FGF1: variants seen among roughly 807,000 people sequenced by gnomAD.
FGF1 encodes the protein fibroblast growth factor 1.
FGF1 carries 9 observed loss-of-function variants against 13.4 expected under a neutral mutation model. The observed-to-expected ratio is 0.67, with a 90% CI of 0.40 to 1.17. The LOEUF is 1.17. FGF1 is among the 50% of genes most tolerant of loss of function. The pLI, the probability that FGF1 is intolerant of heterozygous loss-of-function variation, is 0.01. For synonymous variants in FGF1, 93 were observed against 79.0 expected (o/e 1.18, Z -0.94); for missense variants, 156 against 192.7 (o/e 0.81, Z 1.13).
Position 142,599,323 on chromosome 5 carries a change from C to T in FGF1, c.273+1379G>A, listed in dbSNP as rs181737007. 1.4e-3 allele frequency among the ~76,000 whole-genome samples: 213 copies of T among 152,288 alleles called. 1 individual carries two copies. The highest frequency in any genetic ancestry group is 4.8e-3 in the African/African-American group (200 of 41,562). On this transcript the variant is annotated intron_variant, in intron 3 of 3. Coordinates refer to ENST00000337706, the MANE Select transcript of FGF1 (RefSeq NM_000800.5). Reference sequence around the variant, plus strand: ...ATAGCATTTTAGAGGTTACCTATTACGCTGATGATTTAATCTCCTGATCCC... The same window carrying T: ...ATAGCATTTTAGAGGTTACCTATTATGCTGATGATTTAATCTCCTGATCCC...
intron 1 of FGF1, among the ~76,000 whole-genome samples, chr5:142,632,740 T>A (rs1763558299): frequency 1.3e-5 from 2 of 152,146 alleles, no homozygotes; most frequent in African/African-American, 4.8e-5. Context: ...AATTTCCCCC[T>A]CATTAATAAA....
At position 142,595,107 on chromosome 5, in the gene FGF1, C is replaced by T; in HGVS notation, c.*183G>A. On this transcript the variant is annotated 3_prime_UTR_variant, in exon 4 of 4. Transcript: ENST00000337706. The stretch of plus-strand genomic sequence containing the variant: ...AGCAATTTGGTCCCTCTGTTCTAAA[C>T]TGTGCAGGGGTAAAAGGCTCTGCAA... 1.8e-6 allele frequency: 1 copy of T among 559,772 alleles called. No individual in the cohort carries two copies. The highest frequency in any genetic ancestry group is 2.5e-5 in the South Asian group (1 of 40,544). The allele number at this position is 559,772 out of a possible 1,614,324, so 34.7% of individuals were successfully genotyped here. A position where few individuals can be genotyped will look rare whatever the true frequency, so the allele number is the denominator to read the frequency against.
intron 1 of FGF1, among the ~76,000 whole-genome samples, chr5:142,623,253 A>G (rs1761939794): frequency 1.3e-5 from 2 of 152,156 alleles, no homozygotes; most frequent in South Asian, 2.1e-4. Context: ...AACAGTAGCT[A>G]CTGAACAGAG....
intron 1 of FGF1, among the ~76,000 whole-genome samples, chr5:142,615,245 G>A (rs1035839512): frequency 4.0e-5 from 6 of 151,694 alleles, no homozygotes; most frequent in African/African-American, 7.3e-5. Context: ...CTCCTGAGAC[G>A]GAGTCTCTGT....
chr5:142,619,127 G>T (rs2151892197), intron 1 of FGF1, among the ~76,000 whole-genome samples: 1 of 151,894 alleles, frequency 6.6e-6, no homozygotes, highest in African/African-American at 2.4e-5. Flanking sequence ...GTAGAGACGG[G>T]GTTTCACCGT....
chr5:142,619,678 A>G (rs1761092135), intron 1 of FGF1, among the ~76,000 whole-genome samples: 1 of 152,192 alleles, frequency 6.6e-6, no homozygotes, highest in African/African-American at 2.4e-5. Flanking sequence ...TACTAAAAAT[A>G]CAAAATTAGC....
At chr5:142,629,014 A>T (rs935398375) in intron 1 of FGF1, among the ~76,000 whole-genome samples, 1 of 152,170 alleles carries the variant, frequency 6.6e-6, no homozygotes, top group South Asian at 2.1e-4. Flanking sequence ...CAGAAGGCAG[A>T]ACTTTTCCTA....
At chr5:142,608,332 G>A (rs1452934515) in intron 2 of FGF1, among the ~76,000 whole-genome samples, 1 of 151,862 alleles carries the variant, frequency 6.6e-6, no homozygotes, top group East Asian at 1.9e-4. Flanking sequence ...CCTTTGCCGT[G>A]TTTACCCAAA....
At chr5:142,618,823 G>A (rs951421365) in intron 1 of FGF1, among the ~76,000 whole-genome samples, 5 of 151,714 alleles carry the variant, frequency 3.3e-5, no homozygotes, top group African/African-American at 1.2e-4. Context: ...ATATCTAGGA[G>A]ACATTTGTGC....
In FGF1 at chr5:142,614,172, T is replaced by C; in HGVS notation, c.-34-11A>G. 2 of 1,608,776 alleles carry C rather than the reference T, an allele frequency of 1.2e-6. No individual in the cohort carries two copies. Among genetic ancestry groups the C allele is most frequent in the Non-Finnish European group, 1.7e-6 (2 of 1,176,312 alleles). ...GTGGCGCTTTCAAGACTGTAAGAAATTGAACAAACCTGTAGTCGGTTCTTC... is the reference window on the plus strand; with the variant it reads ...GTGGCGCTTTCAAGACTGTAAGAAACTGAACAAACCTGTAGTCGGTTCTTC... On this transcript the variant is annotated splice_polypyrimidine_tract_variant and intron_variant, in intron 1 of 3. Coordinates refer to ENST00000337706, the MANE Select transcript of FGF1 (RefSeq NM_000800.5).
rs574567965 is a variant in FGF1, at chr5:142,595,551, A to G, written c.274-67T>C. 8.7e-6 allele frequency: 12 copies of G among 1,383,970 alleles called. No homozygotes were observed. In the South Asian group the frequency reaches 1.4e-4, roughly 17 times the overall value. 85.7% of individuals were successfully genotyped at this position (1,383,970 alleles called of 1,614,324 possible). A position where few individuals can be genotyped will look rare whatever the true frequency, so the allele number is the denominator to read the frequency against. Reference sequence around the variant, plus strand: ...TAGTTTCACATGGGGGTCCCCATTTACTAGCTGTGTGACATTGGGCAAAAT... The same window carrying G: ...TAGTTTCACATGGGGGTCCCCATTTGCTAGCTGTGTGACATTGGGCAAAAT... On this transcript the variant is annotated intron_variant, in intron 3 of 3. Transcript: ENST00000337706.
chr5:142,677,030 G>C (rs2152040784), intron 1 of FGF1, among the ~76,000 whole-genome samples: 1 of 152,290 alleles, frequency 6.6e-6, no homozygotes, highest in East Asian at 1.9e-4. Flanking sequence ...AAAAAGCCTG[G>C]ACTGGCCCGG....
At chr5:142,678,934 G>A (rs1344899212) in intron 1 of FGF1, among the ~76,000 whole-genome samples, 5 of 152,144 alleles carry the variant, frequency 3.3e-5, no homozygotes, top group Admixed American at 1.3e-4. Flanking sequence ...ACACTTTGAG[G>A]AGTGGCCTGG....
chr5:142,601,618 G>C (rs188992133), intron 2 of FGF1, among the ~76,000 whole-genome samples: 6 of 151,236 alleles, frequency 4.0e-5, no homozygotes, highest in South Asian at 4.1e-4. Context: ...TCACAGCTAG[G>C]GGGGGCGGGT....
At chr5:142,616,229 C>G (rs1255458080) in intron 1 of FGF1, among the ~76,000 whole-genome samples, 3 of 152,204 alleles carry the variant, frequency 2.0e-5, no homozygotes, top group Admixed American at 1.3e-4. Context: ...AAGCCTCCAT[C>G]TGTTTTCTCT....
At chr5:142,620,820 C>T (rs753349821) in intron 1 of FGF1, among the ~76,000 whole-genome samples, 45 of 152,132 alleles carry the variant, frequency 3.0e-4, no homozygotes, top group East Asian at 1.9e-4. Context: ...GGAGCATTTA[C>T]GAAAATTGAC....
chr5:142,639,718 G>A (rs1253199242), intron 1 of FGF1, among the ~76,000 whole-genome samples: 1 of 151,910 alleles, frequency 6.6e-6, no homozygotes, highest in Non-Finnish European at 1.5e-5. Context: ...GATCTGACAT[G>A]TTTTCACCAC....
intron 3 of FGF1, among the ~76,000 whole-genome samples, chr5:142,598,616 A>G (rs1755785613): frequency 6.6e-6 from 1 of 152,218 alleles, no homozygotes. Context: ...AACTTAAAAA[A>G]AATATACATA....
intron 1 of FGF1, among the ~76,000 whole-genome samples, chr5:142,680,375 C>A (rs1773478711): frequency 6.6e-6 from 1 of 152,174 alleles, no homozygotes; most frequent in Non-Finnish European, 1.5e-5. Context: ...GGAATGGCAA[C>A]TGGAGAAAGA....
Sources: gnomAD v4.1 joint callset for allele counts (sites outside exome capture counted in the v4.1 genomes callset) on GRCh38, gnomAD v4.1.1 for gene constraint, MANE v1.5 for transcripts, NCBI Gene and HGNC (gene_info 2026-07-23, HGNC 2026-07-21) for gene names.